Variants in HAPSTR1 observed in about 807,000 individuals in gnomAD.
HAPSTR1 encodes the protein HUWE1 associated protein modifying stress responses, also known as HUWE1-associated protein modifying stress responses 1.
the HAPSTR1 span, chr16:9,117,004 C>G: frequency 2.6e-6 from 4 of 1,532,308 alleles, no homozygotes; most frequent in Non-Finnish European, 3.5e-6. Context: ...AGGCCATCTT[C>G]CCTTGTTCAC....
the HAPSTR1 span, chr16:9,107,921 C>CT: frequency 2.0e-5 from 3 of 151,832 alleles, no homozygotes; most frequent in African/African-American, 4.8e-5. Context: ...TAGGTGTAGT[C>CT]TGAGTTTACC....
At chr16:9,093,513 C>T in the HAPSTR1 span, among the ~76,000 whole-genome samples, 1 of 152,210 alleles carries the variant, frequency 6.6e-6, no homozygotes, top group Admixed American at 6.5e-5. Flanking sequence ...GAAAGCGTGG[C>T]AGTCTATATA....
chr16:9,102,912 T>C, the HAPSTR1 span: 1 of 1,486,706 alleles, frequency 6.7e-7, no homozygotes, highest in Non-Finnish European at 9.1e-7. Flanking sequence ...AATTGTAAAA[T>C]GGTTTTCTTT....
chr16:9,099,267 GGCTCAT>G, the HAPSTR1 span, among the ~76,000 whole-genome samples: 21,539 of 151,308 alleles, frequency 0.14, 1,858 homozygotes, highest in Non-Finnish European at 0.19. Context: ...GTGCAATCTT[GGCTCAT>G]TGCAACCTCT....
chr16:9,103,029 T>C, the HAPSTR1 span: 2 of 1,614,184 alleles, frequency 1.2e-6, no homozygotes, highest in Non-Finnish European at 1.7e-6. Flanking sequence ...GGAATTCAGA[T>C]TGGCTATCAG....
the HAPSTR1 span, chr16:9,116,564 TAGGC>T: frequency 7.0e-7 from 1 of 1,419,882 alleles, no homozygotes; most frequent in Non-Finnish European, 9.6e-7. Context: ...ATAAAGGAAA[TAGGC>T]AGACATGCTT....
chr16:9,097,488 C>T, the HAPSTR1 span, among the ~76,000 whole-genome samples: 18 of 152,298 alleles, frequency 1.2e-4, no homozygotes, highest in Middle Eastern at 6.8e-3. Flanking sequence ...CCACCTGCCT[C>T]AGCCTGCCAA....
At chr16:9,114,108 T>G in the HAPSTR1 span, among the ~76,000 whole-genome samples, 2 of 152,224 alleles carry the variant, frequency 1.3e-5, no homozygotes, top group Non-Finnish European at 2.9e-5. Flanking sequence ...CTCAAGATTT[T>G]TTTTTGGTTT....
chr16:9,092,191 C>G, the HAPSTR1 span: 3 of 1,582,960 alleles, frequency 1.9e-6, no homozygotes, highest in Non-Finnish European at 2.6e-6. Flanking sequence ...CGGCGGCCGC[C>G]GCGCAGCCCG....
chr16:9,098,226 G>C, the HAPSTR1 span, among the ~76,000 whole-genome samples: 4 of 152,142 alleles, frequency 2.6e-5, no homozygotes, highest in African/African-American at 7.2e-5. Flanking sequence ...CAGCTAACTC[G>C]GAAGGCTGAG....
chr16:9,108,524 T>C, the HAPSTR1 span: 2 of 152,130 alleles, frequency 1.3e-5, no homozygotes, highest in African/African-American at 4.8e-5. Context: ...TCTCACATTT[T>C]TAGATGTGGG....
At chr16:9,092,121 G>C in the HAPSTR1 span, 1 of 1,551,480 alleles carries the variant, frequency 6.4e-7, no homozygotes, top group Non-Finnish European at 8.7e-7. Context: ...AAGTGGGAGC[G>C]GCAGTGCCTG....
the HAPSTR1 span, among the ~76,000 whole-genome samples, chr16:9,098,765 T>C: frequency 3.3e-5 from 5 of 152,216 alleles, no homozygotes; most frequent in African/African-American, 1.2e-4. Flanking sequence ...TCTTTAGAAG[T>C]GTTGCTTTGA....
At chr16:9,092,556 C>T in the HAPSTR1 span, among the ~76,000 whole-genome samples, 2 of 152,252 alleles carry the variant, frequency 1.3e-5, no homozygotes, top group East Asian at 1.9e-4. Flanking sequence ...CCCCTCGGCC[C>T]GGAGACGGGA....
the HAPSTR1 span, chr16:9,116,827 A>G: frequency 6.2e-6 from 10 of 1,614,216 alleles, no homozygotes; most frequent in Admixed American, 5.0e-5. Flanking sequence ...CACTTGGACA[A>G]TGGTGGAACT....
the HAPSTR1 span, chr16:9,121,081 C>T: frequency 2.0e-5 from 3 of 152,344 alleles, no homozygotes; most frequent in East Asian, 3.9e-4. Context: ...ATTCTCCTGC[C>T]TATAACTACA....
chr16:9,093,040 G>C, the HAPSTR1 span: 1 of 1,565,282 alleles, frequency 6.4e-7, no homozygotes, highest in Non-Finnish European at 8.7e-7. Context: ...TCAGGGAAGG[G>C]CCGCCTGCGT....
chr16:9,096,770 C>A, the HAPSTR1 span, among the ~76,000 whole-genome samples: 5 of 152,064 alleles, frequency 3.3e-5, no homozygotes, highest in African/African-American at 1.2e-4. Flanking sequence ...TGCCTGTAAT[C>A]CCAGCACTTT....
chr16:9,118,737 TC>T, the HAPSTR1 span: 1 of 152,564 alleles, frequency 6.6e-6, no homozygotes. Flanking sequence ...CCTTTGTTTT[TC>T]TATCGTAAAT....
Sources: allele counts gnomAD v4.1 joint callset (sites outside exome capture counted in the v4.1 genomes callset), GRCh38; gene constraint gnomAD v4.1.1; transcripts MANE v1.5; gene names NCBI Gene and HGNC (gene_info 2026-07-23, HGNC 2026-07-21).